CCDC73: variants seen among roughly 807,000 people sequenced by gnomAD.
CCDC73 encodes the protein coiled-coil domain containing 73.
Under a neutral mutation model 116.5 loss-of-function variants are expected in CCDC73, and 95 were observed. The observed-to-expected ratio is 0.82, with a 90% CI of 0.69 to 0.97. The LOEUF (loss-of-function observed/expected upper bound fraction) is 0.97, where lower values mean the gene tolerates loss of function less well. Ranked by LOEUF, CCDC73 falls within the 50% of genes least tolerant of loss-of-function variation. The pLI is 0.00. For synonymous variants in CCDC73, 398 were observed against 401.3 expected (o/e 0.99, Z 0.10); for missense variants, 1,066 against 1,206.8 (o/e 0.88, Z 1.73).
chr11:32,721,469 T>C (rs1408984764), intron 2 of CCDC73, among the ~76,000 whole-genome samples: 4 of 152,254 alleles, frequency 2.6e-5, no homozygotes, highest in African/African-American at 7.2e-5. Flanking sequence ...GAGTGTTCAC[T>C]GTAAAATTCT....
At chr11:32,683,307 G>A in intron 7 of CCDC73, 2 of 446,178 alleles carry the variant, frequency 4.5e-6, no homozygotes, top group Non-Finnish European at 8.1e-6. Flanking sequence ...TTCAGATTTG[G>A]GATGCTCAAC....
intron 2 of CCDC73, among the ~76,000 whole-genome samples, chr11:32,726,729 A>T (rs1229982717): frequency 6.6e-6 from 1 of 152,156 alleles, no homozygotes; most frequent in Admixed American, 6.5e-5. Context: ...AAGTGACTGC[A>T]ATTATATGGA....
rs1047355895 is a variant in CCDC73 at position 32,612,488 on chromosome 11, C to T, written c.2896+934G>A. ...TTTTCAGGCCGGGTGTGGTGGCTCC[C>T]AGCAATTTGGGAAGCTGAGGCAGGA... On this transcript the variant is annotated intron_variant, in intron 16 of 17. Transcript: ENST00000335185. Among the ~76,000 whole-genome samples the T allele has an allele frequency of 3.3e-5, 5 of 151,598 alleles. No individual in the cohort carries two copies. In the Admixed American group the frequency reaches 3.3e-4, roughly 10 times the overall value.
At chr11:32,683,726 T>A in intron 6 of CCDC73, 152 bp from the exon 7 acceptor site, 1 of 556,860 alleles carries the variant, frequency 1.8e-6, no homozygotes, top group South Asian at 2.1e-5. Flanking sequence ...ACCTACTATA[T>A]GCTAGATACT....
intron 14 of CCDC73, among the ~76,000 whole-genome samples, chr11:32,632,431 GCC>G (rs1247475158): frequency 1.3e-5 from 2 of 152,088 alleles, no homozygotes; most frequent in Admixed American, 1.3e-4. Context: ...TTGCCATGTT[GCC>G]CAGGGTGGTC....
At chr11:32,672,007 A>G (rs1318270227) in intron 9 of CCDC73, among the ~76,000 whole-genome samples, 2 of 152,186 alleles carry the variant, frequency 1.3e-5, no homozygotes, top group East Asian at 1.9e-4. Flanking sequence ...ATGAATCTAC[A>G]TGAGCCTCAT....
chr11:32,629,992 T>C (rs1327840461), intron 14 of CCDC73, among the ~76,000 whole-genome samples: 1 of 144,454 alleles, frequency 6.9e-6, no homozygotes, highest in East Asian at 2.0e-4. Flanking sequence ...CAGGTGGACA[T>C]GTGGATCTAA....
At chr11:32,768,171 A>G (rs980662422) in intron 1 of CCDC73, among the ~76,000 whole-genome samples, 2 of 152,226 alleles carry the variant, frequency 1.3e-5, no homozygotes, top group African/African-American at 4.8e-5. Flanking sequence ...TGTCCTTTGT[A>G]GGGACATGGA....
intron 1 of CCDC73, among the ~76,000 whole-genome samples, chr11:32,773,707 G>A (rs147968066): frequency 1.3e-5 from 2 of 151,740 alleles, no homozygotes; most frequent in African/African-American, 4.8e-5. Context: ...TTGAGCCCAG[G>A]AGTTCGAGGT....
intron 9 of CCDC73, among the ~76,000 whole-genome samples, chr11:32,667,054 G>A (rs1000711447): frequency 1.3e-5 from 2 of 152,206 alleles, no homozygotes; most frequent in Admixed American, 1.3e-4. Flanking sequence ...TCGGCCGTGT[G>A]AGGTGTCAGT....
the CCDC73 span, among the ~76,000 whole-genome samples, chr11:32,815,574 C>T: frequency 6.6e-6 from 1 of 152,188 alleles, no homozygotes; most frequent in Non-Finnish European, 1.5e-5. Flanking sequence ...TTAGCAAGAC[C>T]TATTCTTCTG....
chr11:32,729,964 C>A (rs1454741841), intron 2 of CCDC73, among the ~76,000 whole-genome samples: 1 of 152,196 alleles, frequency 6.6e-6, no homozygotes, highest in African/African-American at 2.4e-5. Context: ...TTTAGCCTTA[C>A]AGCATCCAGT....
the CCDC73 span, among the ~76,000 whole-genome samples, chr11:32,822,000 C>T: frequency 3.3e-4 from 50 of 152,274 alleles, no homozygotes; most frequent in African/African-American, 1.2e-3. Context: ...TTAATTAATA[C>T]ATCTCTTCTT....
In CCDC73 at chr11:32,717,073, C is replaced by G. The variant is rs767702349; in HGVS notation, c.207+1003G>C. ...CATATAATTCAACCCTGATTTTACT[C>G]CCACAATCTGCACAACCTTTGGATC... On this transcript the variant is annotated intron_variant, in intron 3 of 17. Transcript: ENST00000335185. 4.1e-4 allele frequency among the ~76,000 whole-genome samples: 63 copies of G among 152,318 alleles called. 1 individual carries two copies. The highest frequency in any genetic ancestry group is 7.2e-4 in the Non-Finnish European group (49 of 68,030).
intron 2 of CCDC73, among the ~76,000 whole-genome samples, chr11:32,720,939 G>A (rs1018780570): frequency 7.2e-5 from 11 of 152,292 alleles, no homozygotes; most frequent in Non-Finnish European, 1.2e-4. Flanking sequence ...CAGCTAAGAC[G>A]TGTACATTTC....
intron 7 of CCDC73, chr11:32,680,737 TTTG>T (rs1383846504): frequency 6.6e-6 from 1 of 152,052 alleles, no homozygotes; most frequent in Admixed American, 6.5e-5. Flanking sequence ...AAACAATCAG[TTTG>T]TTAAGAGTAA....
intron 9 of CCDC73, among the ~76,000 whole-genome samples, chr11:32,658,051 A>C (rs4359178): frequency 0.072 from 10,891 of 150,294 alleles, 452 homozygotes; most frequent in South Asian, 0.11. Flanking sequence ...AGAAAAAAAA[A>C]CCCCACAGCT....
chr11:32,614,332 T>C lies in CCDC73; in HGVS notation c.1986A>G (p.Ile662Met). ...TTTTAGTTAACAGTTGTATTTGTTT[T>C]ATTTTACATTGTTTATCATCTAACA... The part of the protein sequence containing the change: ...NVMLDDKQCK[I>M]KQIQLLTKKS... The change falls in exon 16 of 18, where the codon ATA becomes ATG. Residue 662 changes from isoleucine to methionine, a missense_variant. By Grantham distance (10) the Ile-to-Met change is conservative (BLOSUM62 1). Transcript: ENST00000335185. The C allele has an allele frequency of 6.2e-7, 1 of 1,611,942 alleles. No individual in the cohort carries two copies. Among genetic ancestry groups the C allele is most frequent in the Non-Finnish European group, 8.5e-7 (1 of 1,178,666 alleles).
chr11:32,739,803 T>C (rs956435115), intron 2 of CCDC73, among the ~76,000 whole-genome samples: 1 of 152,154 alleles, frequency 6.6e-6, no homozygotes, highest in Admixed American at 6.6e-5. Flanking sequence ...CCATTCAGTA[T>C]AATACTAGCT....
Sources: allele counts gnomAD v4.1 joint callset (sites outside exome capture counted in the v4.1 genomes callset), GRCh38; gene constraint gnomAD v4.1.1; transcripts MANE v1.5; gene names NCBI Gene and HGNC (gene_info 2026-07-23, HGNC 2026-07-21).